Variants in BLM observed in about 807,000 individuals in gnomAD.
BLM encodes the protein recQ-like DNA helicase BLM.
A neutral mutation model predicts 135.3 loss-of-function variants in BLM; 95 were observed. The ratio of observed to expected loss-of-function variants is 0.70; its 90% CI spans 0.59 to 0.83. The LOEUF (loss-of-function observed/expected upper bound fraction) is 0.83. Ranked by LOEUF, BLM falls within the 40% of genes least tolerant of loss-of-function variation. BLM has a pLI of 0.00. For missense variants in BLM, 1,518 were observed against 1,663.9 expected, an observed-to-expected ratio of 0.91 and a Z score of 1.53; for synonymous variants, 520 against 589.2, an observed-to-expected ratio of 0.88 and a Z score of 1.70.
intron 14 of BLM, among the ~76,000 whole-genome samples, chr15:90,789,791 TA>T (rs1173046678): frequency 4.0e-5 from 6 of 151,134 alleles, no homozygotes; most frequent in Admixed American, 2.0e-4. Context: ...TTTTAAGTGC[TA>T]AAAAAAAACT....
At chr15:90,761,335 AATC>A (rs1451023333) in intron 7 of BLM, 80 bp downstream of exon 7, 2 of 1,074,426 alleles carry the variant, frequency 1.9e-6, no homozygotes, top group African/African-American at 1.6e-5. Flanking sequence ...AACCATAGCA[AATC>A]ATCATTGCCT....
intron 15 of BLM, among the ~76,000 whole-genome samples, chr15:90,793,307 G>A (rs1275422648): frequency 1.3e-5 from 2 of 151,824 alleles, no homozygotes; most frequent in Non-Finnish European, 2.9e-5. Context: ...GCTAATTTTT[G>A]TATTCTTAGC....
chr15:90,774,646 C>T (rs138622274), intron 12 of BLM, among the ~76,000 whole-genome samples: 15,504 of 151,130 alleles, frequency 0.1, 1,471 homozygotes, highest in African/African-American at 0.25. Flanking sequence ...CCAGCCTGGC[C>T]AACATGGTGA....
chr15:90,735,506 A>G (rs1345746543), intron 1 of BLM, among the ~76,000 whole-genome samples: 2 of 151,918 alleles, frequency 1.3e-5, no homozygotes, highest in Non-Finnish European at 2.9e-5. Context: ...TATAGAATGG[A>G]AAGTCAATAA....
At chr15:90,748,827 G>A (rs1247660093) in intron 2 of BLM, among the ~76,000 whole-genome samples, 4 of 149,760 alleles carry the variant, frequency 2.7e-5, no homozygotes, top group East Asian at 2.0e-4. Context: ...GTATAGTCTC[G>A]GCTCACTGTA....
At chr15:90,742,235 G>A (rs2151141214) in intron 1 of BLM, among the ~76,000 whole-genome samples, 2 of 149,558 alleles carry the variant, frequency 1.3e-5, no homozygotes, top group African/African-American at 5.1e-5. Flanking sequence ...ATCGTTCTTA[G>A]TTAGGCTCAC....
rs1567055556 is a variant in BLM at position 90,789,059 on chromosome 15, AT to A, written c.2824-1589del. Among the ~76,000 whole-genome samples the A allele has an allele frequency of 4.9e-3, 738 of 151,612 alleles. 7 individuals carry two copies. The highest frequency in any genetic ancestry group is 0.017 in the African/African-American group (718 of 41,380). On this transcript the variant is annotated intron_variant, in intron 14 of 21. Transcript: ENST00000355112. Reference sequence around the variant, plus strand: ...ACAATGGAGATATATATATATATATATATAACTTTGATAAAAAATATGGTTA... The same window carrying A: ...ACAATGGAGATATATATATATATATAATAACTTTGATAAAAAATATGGTTA...
intron 1 of BLM, among the ~76,000 whole-genome samples, chr15:90,732,867 A>C (rs1422637544): frequency 6.6e-6 from 1 of 152,194 alleles, no homozygotes; most frequent in Non-Finnish European, 1.5e-5. Flanking sequence ...AGGCCGAAGC[A>C]GGCAGATCAC....
At position 90,811,298 on chromosome 15, in the gene BLM, C is replaced by T. The variant is rs1276145488; in HGVS notation, c.3968C>T (p.Ser1323Phe). ...EELDEEIPVS[S>F]HYFASKTRNE... is the part of the protein sequence containing the mutation. ...CTCGACGAGGAAATACCCGTATCTTCCCACTACTTTGCAAGTAAAACCAGA... is the reference window on the plus strand; with the variant it reads ...CTCGACGAGGAAATACCCGTATCTTTCCACTACTTTGCAAGTAAAACCAGA... Residue 1323 changes from serine (S) to phenylalanine (F), a missense_variant, in exon 21 of 22, where the codon TCC (serine) becomes TTC (phenylalanine). Coordinates refer to ENST00000355112, the MANE Select transcript of BLM (RefSeq NM_000057.4). 6.2e-7 allele frequency: 1 copy of T among 1,614,168 alleles called. No homozygotes were observed. Among genetic ancestry groups the T allele is most frequent in the Non-Finnish European group, 8.5e-7 (1 of 1,180,036 alleles).
At chr15:90,761,646 T>C (rs1350484022) in intron 7 of BLM, among the ~76,000 whole-genome samples, 2 of 152,186 alleles carry the variant, frequency 1.3e-5, no homozygotes, top group South Asian at 2.1e-4. Context: ...TGAGAATCGA[T>C]TAATACAAAG....
In BLM at chr15:90,815,287, ATC is replaced by A. The variant is rs751726607; in HGVS notation, c.*11_*12del. On this transcript the variant is annotated 3_prime_UTR_variant, in exon 22 of 22. Transcript: ENST00000355112. This position sits in a 1 kb window ranked among gnomAD's most constrained non-coding sequence, Gnocchi z 4.6. ...TCATATGCATTCTCATAACAACCGAATCTCAATGTACATAGACCCTCTTTCTT... is the reference window on the plus strand; with the variant it reads ...TCATATGCATTCTCATAACAACCGAATCAATGTACATAGACCCTCTTTCTT... The A allele has an allele frequency of 1.5e-4, 249 of 1,612,584 alleles. No homozygotes were observed. Among genetic ancestry groups the A allele is most frequent in the Non-Finnish European group, 2.1e-4 (248 of 1,178,744 alleles).
intron 1 of BLM, among the ~76,000 whole-genome samples, chr15:90,719,740 A>G (rs961053338): frequency 1.3e-5 from 2 of 152,108 alleles, no homozygotes; most frequent in African/African-American, 2.4e-5. Context: ...AGATATACAT[A>G]TATATTTTAA....
At chr15:90,789,995 T>G (rs1046788823) in intron 14 of BLM, among the ~76,000 whole-genome samples, 62 of 58,148 alleles carry the variant, frequency 1.1e-3, no homozygotes, top group African/African-American at 4.8e-3. Context: ...GTGTTTTTTT[T>G]TTTTTTTTTT....
chr15:90,796,502 A>C (rs1256184572), intron 16 of BLM, among the ~76,000 whole-genome samples: 1 of 152,218 alleles, frequency 6.6e-6, no homozygotes, highest in Non-Finnish European at 1.5e-5. Flanking sequence ...ATAAATAATA[A>C]ATACACCAAT....
At position 90,803,643 on chromosome 15, in the gene BLM, A is replaced by G. The variant is rs1897217586; in HGVS notation, c.3481A>G (p.Ile1161Val). 1 of 1,614,204 alleles carries G rather than the reference A, an allele frequency of 6.2e-7. No individual in the cohort carries two copies. ...LDKILDEDLY[I>V]NANDQAIAYV... Reference sequence around the variant, plus strand: ...CAAGATTTTGGATGAAGACTTATATATCAATGCCAATGACCAGGCGATCGC... The same window carrying G: ...CAAGATTTTGGATGAAGACTTATATGTCAATGCCAATGACCAGGCGATCGC... Residue 1161 changes from isoleucine (I) to valine (V), a missense_variant, in exon 18 of 22, where the codon ATC (isoleucine) becomes GTC (valine). Coordinates refer to ENST00000355112, the MANE Select transcript of BLM (RefSeq NM_000057.4).
At chr15:90,799,319 A>C (rs572200880) in intron 17 of BLM, among the ~76,000 whole-genome samples, 1 of 152,240 alleles carries the variant, frequency 6.6e-6, no homozygotes, top group Non-Finnish European at 1.5e-5. Flanking sequence ...ATACTTAAAT[A>C]ATAATTGAAT....
At chr15:90,759,732 G>T (rs965914031) in intron 5 of BLM, among the ~76,000 whole-genome samples, 1 of 151,624 alleles carries the variant, frequency 6.6e-6, no homozygotes, top group African/African-American at 2.4e-5. Context: ...TCAGCCTCCC[G>T]AGTAGCTGGG....
At chr15:90,795,467 C>T (rs777481048) in intron 16 of BLM, among the ~76,000 whole-genome samples, 5 of 151,278 alleles carry the variant, frequency 3.3e-5, no homozygotes, top group Admixed American at 1.3e-4. Flanking sequence ...GCAACAAGAG[C>T]GAAACTCCAT....
intron 1 of BLM, among the ~76,000 whole-genome samples, chr15:90,731,229 A>G (rs1300336578): frequency 1.3e-5 from 2 of 152,290 alleles, no homozygotes; most frequent in Non-Finnish European, 2.9e-5. Flanking sequence ...GTGAGTCATC[A>G]TGCCCGTGGC....
Sources: allele counts gnomAD v4.1 joint callset (sites outside exome capture counted in the v4.1 genomes callset), GRCh38; gene constraint gnomAD v4.1.1; non-coding constraint Gnocchi (gnomAD v3.1); transcripts MANE v1.5; gene names NCBI Gene and HGNC (gene_info 2026-07-23, HGNC 2026-07-21).